Variants in PRUNE2 observed in about 807,000 individuals in gnomAD.
PRUNE2 encodes prune homolog 2 with BCH domain, also known as protein prune homolog 2.
Under a neutral mutation model 252.0 loss-of-function variants are expected in PRUNE2, and 164 were observed. The observed-to-expected ratio is 0.65, with a 90% CI of 0.57 to 0.74. The LOEUF is 0.74. Ranked by LOEUF, PRUNE2 falls within the 30% of genes least tolerant of loss-of-function variation. PRUNE2 has a pLI of 0.00. For missense variants in PRUNE2, 3,495 were observed against 3,711.0 expected (o/e 0.94, Z 1.51); for synonymous variants, 1,292 against 1,350.2 (o/e 0.96, Z 0.94).
chr9:76,616,467 G>A (rs955092477), intron 18 of PRUNE2, among the ~76,000 whole-genome samples: 2 of 152,180 alleles, frequency 1.3e-5, no homozygotes, highest in Non-Finnish European at 2.9e-5. Context: ...AACTGCGAGA[G>A]TGGGTCAGAA....
chr9:76,666,551 T>C (rs2040218917), intron 9 of PRUNE2, among the ~76,000 whole-genome samples: 1 of 152,196 alleles, frequency 6.6e-6, no homozygotes, highest in Admixed American at 6.5e-5. Context: ...CTCTCTGCCT[T>C]GGCTGCCAGG....
At chr9:76,790,178 G>A (rs2055418671) in intron 6 of PRUNE2, among the ~76,000 whole-genome samples, 1 of 152,152 alleles carries the variant, frequency 6.6e-6, no homozygotes, top group Non-Finnish European at 1.5e-5. Context: ...TAAGCATGCA[G>A]GTTTACTAGA....
intron 6 of PRUNE2, among the ~76,000 whole-genome samples, chr9:76,778,005 T>C (rs1404555021): frequency 6.6e-6 from 1 of 152,090 alleles, no homozygotes. Flanking sequence ...TAATAAACAG[T>C]AGGTGAGGTT....
chr9:76,811,331 A>G (rs887109401), intron 6 of PRUNE2, among the ~76,000 whole-genome samples: 1 of 152,246 alleles, frequency 6.6e-6, no homozygotes, highest in African/African-American at 2.4e-5. Context: ...TATATTTTGT[A>G]AAAAGCTACG....
At chr9:76,685,869 C>A (rs2044024639) in intron 9 of PRUNE2, among the ~76,000 whole-genome samples, 1 of 152,162 alleles carries the variant, frequency 6.6e-6, no homozygotes, top group Non-Finnish European at 1.5e-5. Flanking sequence ...GTATATCAGT[C>A]CTTTCATTCA....
At chr9:76,809,435 C>T (rs752367028) in intron 6 of PRUNE2, among the ~76,000 whole-genome samples, 7 of 152,208 alleles carry the variant, frequency 4.6e-5, no homozygotes, top group Non-Finnish European at 1.0e-4. Flanking sequence ...CAGTGGCTCA[C>T]GCCTGTAATC....
intron 9 of PRUNE2, among the ~76,000 whole-genome samples, chr9:76,661,122 C>A (rs779761788): frequency 2.6e-5 from 4 of 152,028 alleles, no homozygotes; most frequent in Non-Finnish European, 5.9e-5. Flanking sequence ...ACCAAGACCT[C>A]AGTAGCCATT....
intron 12 of PRUNE2, among the ~76,000 whole-genome samples, chr9:76,641,709 T>A (rs574457724): frequency 7.4e-6 from 1 of 135,308 alleles, no homozygotes; most frequent in Admixed American, 7.8e-5. Flanking sequence ...GAATTCAAGG[T>A]GTATGTGCTG....
intron 9 of PRUNE2, among the ~76,000 whole-genome samples, chr9:76,693,294 G>GC (rs2044985159): frequency 6.6e-6 from 1 of 150,942 alleles, no homozygotes; most frequent in Admixed American, 6.6e-5. Flanking sequence ...TGATGGGGGG[G>GC]GCAGGTGAGG....
intron 1 of PRUNE2, among the ~76,000 whole-genome samples, chr9:76,871,741 G>T (rs2061212518): frequency 6.6e-6 from 1 of 152,160 alleles, no homozygotes; most frequent in Admixed American, 6.5e-5. Flanking sequence ...TGATTCTCCT[G>T]CCTCAGCCTC....
intron 6 of PRUNE2, among the ~76,000 whole-genome samples, chr9:76,792,416 C>T (rs1359920278): frequency 6.6e-6 from 1 of 152,054 alleles, no homozygotes; most frequent in Non-Finnish European, 1.5e-5. Context: ...TTATTAGCAG[C>T]GTGAGAATGG....
chr9:76,788,278 C>G, intron 6 of PRUNE2: 1 of 573,462 alleles, frequency 1.7e-6, no homozygotes, highest in Non-Finnish European at 3.1e-6. Flanking sequence ...ACTCACCAAA[C>G]AGATATATTC....
chr9:76,716,020 A>G (rs887857789), intron 6 of PRUNE2, among the ~76,000 whole-genome samples: 3 of 147,934 alleles, frequency 2.0e-5, no homozygotes, highest in Non-Finnish European at 4.5e-5. Context: ...ACATTTATAA[A>G]CCCTTGAAAG....
intron 6 of PRUNE2, chr9:76,786,557 A>G (rs1010873165): frequency 6.6e-6 from 1 of 152,182 alleles, no homozygotes; most frequent in Non-Finnish European, 1.5e-5. Flanking sequence ...CTTTGCTTCC[A>G]CGACTTTTAT....
chr9:76,689,447 C>T (rs759987297), intron 9 of PRUNE2, among the ~76,000 whole-genome samples: 4 of 152,112 alleles, frequency 2.6e-5, no homozygotes, highest in African/African-American at 7.2e-5. Flanking sequence ...CCTCAACCTC[C>T]TGGGCTCAAG....
chr9:76,794,181 A>AG (rs2055825288), intron 6 of PRUNE2, among the ~76,000 whole-genome samples: 1 of 152,184 alleles, frequency 6.6e-6, no homozygotes, highest in Admixed American at 6.5e-5. Flanking sequence ...GTTTTTAAGT[A>AG]TCTTTTTCAC....
At chr9:76,684,303 AC>A (rs1171892795) in intron 9 of PRUNE2, among the ~76,000 whole-genome samples, 1 of 152,090 alleles carries the variant, frequency 6.6e-6, no homozygotes, top group Non-Finnish European at 1.5e-5. Flanking sequence ...GTCTGAGGCT[AC>A]TTTTTGAAAA....
At chr9:76,678,701 C>T (rs574087767) in intron 9 of PRUNE2, among the ~76,000 whole-genome samples, 10 of 152,156 alleles carry the variant, frequency 6.6e-5, no homozygotes, top group Admixed American at 1.3e-4. Context: ...TGGTGGCGGG[C>T]GCCTGTAGTC....
At chr9:76,687,013 C>G (rs2044168867) in intron 9 of PRUNE2, among the ~76,000 whole-genome samples, 1 of 152,152 alleles carries the variant, frequency 6.6e-6, no homozygotes, top group Admixed American at 6.5e-5. Context: ...AGTGTCAGGA[C>G]TACAGGCATG....
Sources: allele counts gnomAD v4.1 joint callset (sites outside exome capture counted in the v4.1 genomes callset), GRCh38; gene constraint gnomAD v4.1.1; transcripts MANE v1.5; gene names NCBI Gene and HGNC (gene_info 2026-07-23, HGNC 2026-07-21).